The following CREB5 variants were observed in gnomAD, a reference collection of about 807,000 sequenced individuals.
The protein encoded by CREB5 is cAMP responsive element binding protein 5, also known as cyclic AMP-responsive element-binding protein 5.
In CREB5, 19 loss-of-function variants were observed where a neutral mutation model predicts 57.1. That is an observed-to-expected ratio of 0.33 (90% CI 0.23 to 0.49). CREB5 has a LOEUF of 0.49. CREB5 is among the 20% of genes least tolerant of loss of function. CREB5 has a pLI of 0.99. For missense variants in CREB5, 579 were observed against 671.6 expected, an observed-to-expected ratio of 0.86 and a Z score of 1.52; for synonymous variants, 238 against 238.3, an observed-to-expected ratio of 1.00 and a Z score of 0.01.
intron 5 of CREB5, among the ~76,000 whole-genome samples, chr7:28,673,041 G>C (rs1046673051): frequency 2.0e-5 from 3 of 152,140 alleles, no homozygotes. Flanking sequence ...GTCAGTGTAG[G>C]CCATCTTCTG....
intron 1 of CREB5, among the ~76,000 whole-genome samples, chr7:28,445,819 G>C (rs1444004353): frequency 1.3e-5 from 2 of 152,080 alleles, no homozygotes; most frequent in Non-Finnish European, 2.9e-5. Context: ...CCAAAGTGCT[G>C]GGATTACAGG....
intron 4 of CREB5, among the ~76,000 whole-genome samples, chr7:28,528,846 C>T (rs1473251349): frequency 6.6e-6 from 1 of 151,694 alleles, no homozygotes; most frequent in Non-Finnish European, 1.5e-5. Context: ...TATTTATTTC[C>T]CTTCTTTGGC....
At chr7:28,303,057 G>A (rs749402911) in intron 1 of CREB5, among the ~76,000 whole-genome samples, 19 of 150,746 alleles carry the variant, frequency 1.3e-4, no homozygotes, top group South Asian at 4.2e-4. Flanking sequence ...CAGGAGAATC[G>A]CTTGAACCTG....
chr7:28,403,736 T>C (rs1350073357), intron 1 of CREB5, among the ~76,000 whole-genome samples: 1 of 152,202 alleles, frequency 6.6e-6, no homozygotes, highest in Non-Finnish European at 1.5e-5. Context: ...CACATAATTT[T>C]TGAATCCAGT....
intron 5 of CREB5, among the ~76,000 whole-genome samples, chr7:28,709,537 C>T (rs553851156): frequency 5.3e-5 from 8 of 152,178 alleles, no homozygotes; most frequent in African/African-American, 9.6e-5. Context: ...GTGTTTAAAA[C>T]GCTTGAAAGC....
At chr7:28,800,943 G>A (rs1808327186) in intron 7 of CREB5, among the ~76,000 whole-genome samples, 1 of 152,172 alleles carries the variant, frequency 6.6e-6, no homozygotes, top group South Asian at 2.1e-4. Context: ...AACAGGCTTT[G>A]GAGTTAGAGT....
intron 5 of CREB5, among the ~76,000 whole-genome samples, chr7:28,648,272 A>G (rs1285877834): frequency 6.6e-6 from 1 of 152,182 alleles, no homozygotes; most frequent in Non-Finnish European, 1.5e-5. Context: ...AAAGTGTGTG[A>G]TTTCTCTTGA....
intron 1 of CREB5, among the ~76,000 whole-genome samples, chr7:28,357,770 A>C (rs1014200636): frequency 6.6e-6 from 1 of 152,180 alleles, no homozygotes; most frequent in Admixed American, 6.5e-5. Context: ...TTAACTGTGG[A>C]GGCAAATGCT....
chr7:28,620,468 A>G (rs1307988296), intron 5 of CREB5, among the ~76,000 whole-genome samples: 11 of 152,214 alleles, frequency 7.2e-5, no homozygotes, highest in Non-Finnish European at 1.5e-4. Context: ...GTGTCTCAGC[A>G]TCTCCAGATC....
intron 7 of CREB5, among the ~76,000 whole-genome samples, chr7:28,732,843 G>GTTTTTT (rs60106222): frequency 0.024 from 3,364 of 141,376 alleles, 101 homozygotes; most frequent in Admixed American, 0.081. Context: ...GTTTAGGGTT[G>GTTTTTT]TTTTTTTTTT....
At chr7:28,658,827 G>T (rs1481845977) in intron 5 of CREB5, among the ~76,000 whole-genome samples, 1 of 151,448 alleles carries the variant, frequency 6.6e-6, no homozygotes, top group Non-Finnish European at 1.5e-5. Flanking sequence ...GCAGCCTCCT[G>T]TTGTAGGGGA....
At chr7:28,510,401 A>C (rs1792658810) in intron 4 of CREB5, among the ~76,000 whole-genome samples, 1 of 152,144 alleles carries the variant, frequency 6.6e-6, no homozygotes. Context: ...TTCCCTCATT[A>C]GGTTTTAGTA....
chr7:28,460,081 G>A (rs1790288865), intron 1 of CREB5, among the ~76,000 whole-genome samples: 1 of 152,206 alleles, frequency 6.6e-6, no homozygotes, highest in South Asian at 2.1e-4. Context: ...TGAGATGTAT[G>A]AAGACATTCG....
At chr7:28,383,451 C>T (rs1787007702) in intron 1 of CREB5, among the ~76,000 whole-genome samples, 1 of 152,114 alleles carries the variant, frequency 6.6e-6, no homozygotes, top group African/African-American at 2.4e-5. Flanking sequence ...GCAGGCTGCA[C>T]AGGAAGCATG....
Position 28,544,468 on chromosome 7 carries a change from T to G in CREB5, c.292-25897T>G, listed in dbSNP as rs138075266. 5.3e-3 allele frequency among the ~76,000 whole-genome samples: 815 copies of G among 152,348 alleles called. 3 individuals carry two copies. The highest frequency in any genetic ancestry group is 7.5e-3 in the Non-Finnish European group (510 of 68,042). The stretch of plus-strand genomic sequence containing the variant: ...GCAAATTTCCTAGTATGCACATCTT[T>G]TAAATTTAACTTTTGCTCCATTAGA... On this transcript the variant is annotated intron_variant, in intron 4 of 10. Transcript: ENST00000357727.
intron 6 of CREB5, 113 bp downstream of exon 6, chr7:28,718,992 T>A: frequency 6.6e-7 from 1 of 1,514,530 alleles, no homozygotes; most frequent in South Asian, 1.2e-5. Flanking sequence ...AGGCGACTGC[T>A]TCTGAATGGA....
chr7:28,394,360 A>G (rs1419122599), intron 1 of CREB5, among the ~76,000 whole-genome samples: 5 of 152,190 alleles, frequency 3.3e-5, no homozygotes, highest in Non-Finnish European at 7.3e-5. Context: ...TTTAAATGTG[A>G]ATGGCTTAAG....
intron 5 of CREB5, among the ~76,000 whole-genome samples, chr7:28,714,757 T>A (rs1208293455): frequency 6.6e-6 from 1 of 152,240 alleles, no homozygotes; most frequent in Non-Finnish European, 1.5e-5. Context: ...GAATAATCTG[T>A]CAAGTTGGAA....
chr7:28,543,281 C>T (rs777464529), intron 4 of CREB5, among the ~76,000 whole-genome samples: 2 of 152,124 alleles, frequency 1.3e-5, no homozygotes, highest in Non-Finnish European at 2.9e-5. Context: ...GTGCTTCCCC[C>T]ACAGGTGATC....
Sources: allele counts gnomAD v4.1 joint callset (sites outside exome capture counted in the v4.1 genomes callset), GRCh38; gene constraint gnomAD v4.1.1; transcripts MANE v1.5; gene names NCBI Gene and HGNC (gene_info 2026-07-23, HGNC 2026-07-21).